Variants in PPARD observed in about 807,000 individuals in gnomAD.
PPARD encodes the protein peroxisome proliferator activated receptor delta.
A neutral mutation model predicts 39.5 loss-of-function variants in PPARD; 6 were observed. The observed-to-expected ratio is 0.15, with a 90% CI of 0.08 to 0.30. The LOEUF (loss-of-function observed/expected upper bound fraction) is 0.30, where lower values mean the gene tolerates loss of function less well. Among genes scored for constraint, PPARD ranks in the 10% least tolerant of loss-of-function variants. PPARD has a pLI of 1.00. For synonymous variants in PPARD, 210 were observed against 231.3 expected (o/e 0.91, Z 0.83); for missense variants, 397 against 596.8 (o/e 0.67, Z 3.49).
At chr6:35,345,302 C>A (rs899543244) in intron 1 of PPARD, among the ~76,000 whole-genome samples, 1 of 152,076 alleles carries the variant, frequency 6.6e-6, no homozygotes, top group Non-Finnish European at 1.5e-5. Context: ...TCTTTCTTTT[C>A]TGACACAAGG....
At chr6:35,418,066 A>G (rs906609577) in intron 3 of PPARD, among the ~76,000 whole-genome samples, 1 of 152,202 alleles carries the variant, frequency 6.6e-6, no homozygotes, top group Non-Finnish European at 1.5e-5. Flanking sequence ...ACTGTGGACA[A>G]GACTCGGTGG....
intron 2 of PPARD, chr6:35,348,322 G>A (rs1234464445): frequency 6.1e-6 from 6 of 983,508 alleles, no homozygotes; most frequent in Non-Finnish European, 7.2e-6. Context: ...ATATATGAGA[G>A]CTGGCCATAA....
At chr6:35,364,961 G>A (rs188991950) in intron 2 of PPARD, among the ~76,000 whole-genome samples, 1,952 of 151,708 alleles carry the variant, frequency 0.013, 26 homozygotes, top group African/African-American at 0.029. Context: ...CACCCGCCTC[G>A]GCCTCCCAAA....
intron 2 of PPARD, among the ~76,000 whole-genome samples, chr6:35,402,737 A>G (rs1349385903): frequency 6.6e-6 from 1 of 152,128 alleles, no homozygotes; most frequent in Non-Finnish European, 1.5e-5. Flanking sequence ...TGTGTCCTTA[A>G]GAGGGTGGGG....
At chr6:35,416,342 C>T (rs1283026859) in intron 3 of PPARD, among the ~76,000 whole-genome samples, 1 of 116,300 alleles carries the variant, frequency 8.6e-6, no homozygotes, top group Non-Finnish European at 1.6e-5. Context: ...CCATTGCACT[C>T]CAGCCTGGGG....
At chr6:35,345,874 GTTTTTT>G (rs947186291) in intron 1 of PPARD, among the ~76,000 whole-genome samples, 1 of 114,610 alleles carries the variant, frequency 8.7e-6, no homozygotes, top group Admixed American at 8.9e-5. Flanking sequence ...CTTTTTTTTC[GTTTTTT>G]TTTTTTTTTT....
In PPARD at chr6:35,425,198, C is replaced by G. The variant is rs1405623781; in HGVS notation, c.1078+419C>G. 7.8e-6 allele frequency: 7 copies of G among 895,758 alleles called. No homozygotes were observed. The East Asian group carries it at 2.6e-4, about 34-fold the overall frequency. The allele number at this position is 895,758 out of a possible 1,614,324, so 55.5% of individuals were successfully genotyped here. Reference sequence around the variant, plus strand: ...CTGAGCCAGGAGAATCGCTTGAACCCGAGAGGTGGAGGTTGCAGTGAGCCA... The same window carrying G: ...CTGAGCCAGGAGAATCGCTTGAACCGGAGAGGTGGAGGTTGCAGTGAGCCA... On this transcript the variant is annotated intron_variant, in intron 7 of 7. Transcript: ENST00000360694. The surrounding 1 kb of genome is among the most constrained non-coding windows in gnomAD (Gnocchi z 4.5).
chr6:35,398,350 A>G (rs1764477608), intron 2 of PPARD, among the ~76,000 whole-genome samples: 1 of 152,150 alleles, frequency 6.6e-6, no homozygotes, highest in African/African-American at 2.4e-5. Context: ...TATATTTATT[A>G]AAGGCAAAGC....
chr6:35,349,589 G>A (rs1240261852), intron 2 of PPARD, among the ~76,000 whole-genome samples: 1 of 151,926 alleles, frequency 6.6e-6, no homozygotes, highest in Non-Finnish European at 1.5e-5. Flanking sequence ...GGATAAGCTT[G>A]GCCTCCCTAG....
chr6:35,390,651 T>G (rs1763953305), intron 2 of PPARD, among the ~76,000 whole-genome samples: 1 of 151,754 alleles, frequency 6.6e-6, no homozygotes, highest in Non-Finnish European at 1.5e-5. Context: ...TTTTCTGTGA[T>G]AAAATTTCAG....
At position 35,353,451 on chromosome 6, in the gene PPARD, T is replaced by A. The variant is rs567697688; in HGVS notation, c.-102+6301T>A. ...TCCCTACCCCATATCCATTTAGGGCTGTTGATGCACAGGAGAGATTAAGAG... is the reference window on the plus strand; with the variant it reads ...TCCCTACCCCATATCCATTTAGGGCAGTTGATGCACAGGAGAGATTAAGAG... On this transcript the variant is annotated intron_variant, in intron 2 of 7. Coordinates refer to ENST00000360694, the MANE Select transcript of PPARD (RefSeq NM_006238.5). 2.0e-5 allele frequency among the ~76,000 whole-genome samples: 3 copies of A among 152,350 alleles called. No homozygotes were observed. The East Asian group carries it at 5.8e-4, about 29-fold the overall frequency.
At chr6:35,357,077 C>G (rs1005145017) in intron 2 of PPARD, among the ~76,000 whole-genome samples, 1 of 152,204 alleles carries the variant, frequency 6.6e-6, no homozygotes, top group Non-Finnish European at 1.5e-5. Context: ...CATTTTGTGT[C>G]TGGTTAGAAG....
intron 2 of PPARD, among the ~76,000 whole-genome samples, chr6:35,379,415 T>G (rs1314349780): frequency 2.0e-5 from 3 of 152,200 alleles, no homozygotes; most frequent in African/African-American, 7.2e-5. Flanking sequence ...AGTAGGCATC[T>G]TTGCCCAACC....
chr6:35,406,638 G>A (rs1765071811), intron 2 of PPARD, among the ~76,000 whole-genome samples: 1 of 152,180 alleles, frequency 6.6e-6, no homozygotes, highest in South Asian at 2.1e-4. Context: ...GACAATTCCA[G>A]GCTAGGGAGA....
intron 1 of PPARD, among the ~76,000 whole-genome samples, chr6:35,343,151 C>G (rs570962406): frequency 1.2e-4 from 19 of 152,182 alleles, no homozygotes; most frequent in African/African-American, 4.3e-4. Context: ...TTCCTCTGTC[C>G]CCCTCGTTAT....
chr6:35,424,014 G>A lies in PPARD; in HGVS notation c.493G>A (p.Gly165Arg). The A allele has an allele frequency of 6.2e-7, 1 of 1,614,192 alleles. No individual in the cohort carries two copies. The highest frequency in any genetic ancestry group is 8.5e-7 in the Non-Finnish European group (1 of 1,180,036). The change falls in exon 6 of 8, where the codon GGG becomes AGG. Residue 165 changes from glycine to arginine, a missense_variant. Transcript: ENST00000360694. This position sits in a 1 kb window ranked among gnomAD's most constrained non-coding sequence, Gnocchi z 7.1. Reference sequence around the variant, plus strand: ...GGTGGCAGGGCTGACTGCAAACGAGGGGAGCCAGTACAACCCACAGGTGGC... The same window carrying A: ...GGTGGCAGGGCTGACTGCAAACGAGAGGAGCCAGTACAACCCACAGGTGGC... ...KLVAGLTANE[G>R]SQYNPQVADL...
chr6:35,379,651 C>G (rs1219311696), intron 2 of PPARD, among the ~76,000 whole-genome samples: 2 of 152,264 alleles, frequency 1.3e-5, no homozygotes, highest in African/African-American at 4.8e-5. Flanking sequence ...TCTGATGCCA[C>G]TGCATGCAAG....
At chr6:35,346,989 G>A (rs1285497456) in intron 1 of PPARD, 78 bp from the exon 2 acceptor site, 3 of 827,308 alleles carry the variant, frequency 3.6e-6, no homozygotes, top group Non-Finnish European at 3.8e-6. Context: ...AGTTACGGTG[G>A]GTATAACTTA....
chr6:35,375,166 A>C (rs1043578556), intron 2 of PPARD, among the ~76,000 whole-genome samples: 9 of 140,662 alleles, frequency 6.4e-5, no homozygotes, highest in Admixed American at 4.2e-4. Flanking sequence ...ATTTTTTAGT[A>C]CTTTCCATGT....
Sources: allele counts gnomAD v4.1 joint callset (sites outside exome capture counted in the v4.1 genomes callset), GRCh38; gene constraint gnomAD v4.1.1; non-coding constraint Gnocchi (gnomAD v3.1); transcripts MANE v1.5; gene names NCBI Gene and HGNC (gene_info 2026-07-23, HGNC 2026-07-21).